The following ASB4 variants were observed in gnomAD, a reference collection of about 807,000 sequenced individuals.
The protein encoded by ASB4 is ankyrin repeat and SOCS box containing 4.
ASB4 carries 35 observed loss-of-function variants against 38.6 expected under a neutral mutation model. That is an observed-to-expected ratio of 0.91 (90% confidence interval 0.69 to 1.20). The LOEUF is 1.20. ASB4 is among the 50% of genes most tolerant of loss of function. The pLI is 0.00. For missense variants in ASB4, 557 were observed against 527.2 expected, an observed-to-expected ratio of 1.06 and a Z score of -0.55; for synonymous variants, 195 against 201.3, an observed-to-expected ratio of 0.97 and a Z score of 0.26.
rs760833458 is a variant in ASB4 at position 95,539,150 on chromosome 7, A to C, written c.*1391A>C. On this transcript the variant is annotated 3_prime_UTR_variant, in exon 5 of 5. Coordinates refer to ENST00000325885, the MANE Select transcript of ASB4 (RefSeq NM_016116.3). ...TTTTTTAGAGGTTAAAGCAGAAGTAAATTGCAAACAAATCTGTCAGTTGTG... is the reference window on the plus strand; with the variant it reads ...TTTTTTAGAGGTTAAAGCAGAAGTACATTGCAAACAAATCTGTCAGTTGTG... 1 of 152,144 alleles carries C rather than the reference A, an allele frequency of 6.6e-6. No homozygotes were observed. Among genetic ancestry groups the C allele is most frequent in the Non-Finnish European group, 1.5e-5 (1 of 68,032 alleles). 9.4% of individuals were successfully genotyped at this position (152,144 alleles called of 1,614,324 possible). A position where few individuals can be genotyped will look rare whatever the true frequency, so the allele number is the denominator to read the frequency against.
At chr7:95,515,011 T>C (rs1009203944) in intron 2 of ASB4, among the ~76,000 whole-genome samples, 2 of 152,234 alleles carry the variant, frequency 1.3e-5, no homozygotes, top group Non-Finnish European at 2.9e-5. Context: ...ACGTAGACAG[T>C]ATGACACCTA....
Position 95,537,869 on chromosome 7 carries a change from T to A in ASB4, c.*110T>A. 3 of 815,624 alleles carry A rather than the reference T, an allele frequency of 3.7e-6. No homozygotes were observed. Among genetic ancestry groups the A allele is most frequent in the Non-Finnish European group, 5.8e-6 (3 of 518,090 alleles). 50.5% of individuals were successfully genotyped at this position (815,624 alleles called of 1,614,324 possible). A position where few individuals can be genotyped will look rare whatever the true frequency, so the allele number is the denominator to read the frequency against. ...GGGTTGATTATAACACTTCAGGGAT[T>A]TCAAAACACTTTACAAACACTGCCA... On this transcript the variant is annotated 3_prime_UTR_variant, in exon 5 of 5. Coordinates refer to ENST00000325885, the MANE Select transcript of ASB4 (RefSeq NM_016116.3).
chr7:95,518,316 T>G (rs1351151304), intron 2 of ASB4, among the ~76,000 whole-genome samples: 2 of 152,182 alleles, frequency 1.3e-5, no homozygotes, highest in Non-Finnish European at 2.9e-5. Flanking sequence ...GAAAAGTCCA[T>G]GAGGAATTTT....
chr7:95,546,965 C>T, the ASB4 span, among the ~76,000 whole-genome samples: 9 of 152,122 alleles, frequency 5.9e-5, no homozygotes, highest in African/African-American at 2.2e-4. Flanking sequence ...ACCTGGGGTG[C>T]TTTCAAAAAT....
chr7:95,529,386 T>A (rs1048417170), intron 3 of ASB4, among the ~76,000 whole-genome samples: 1 of 152,248 alleles, frequency 6.6e-6, no homozygotes, highest in African/African-American at 2.4e-5. Context: ...TTTTTCTGAA[T>A]TCACAGCTTA....
rs1554349231 is a variant in ASB4 at position 95,515,219 on chromosome 7, T to TTCTTTCTTTCTTTCTTTCTTTCTTTC, written c.488-12581_488-12580insCTTTCTTTCTTTCTCTTTCTTTCTTT. Among the ~76,000 whole-genome samples, 17 of 130,948 alleles carry TTCTTTCTTTCTTTCTTTCTTTCTTTC rather than the reference T, an allele frequency of 1.3e-4. 1 individual carries two copies. Among genetic ancestry groups the TTCTTTCTTTCTTTCTTTCTTTCTTTC allele is most frequent in the African/African-American group, 5.5e-4 (17 of 30,996 alleles). 85.9% of individuals were successfully genotyped at this position (130,948 alleles called of 152,430 possible). A position where few individuals can be genotyped will look rare whatever the true frequency, so the allele number is the denominator to read the frequency against. On this transcript the variant is annotated intron_variant, in intron 2 of 4. Transcript: ENST00000325885. Reference sequence around the variant, plus strand: ...TTTCTTTCTTTCTTTCTTTCTTTCTTTCTTTCTTTCTTTTTCTTTCTTTCT... The same window carrying TTCTTTCTTTCTTTCTTTCTTTCTTTC: ...TTTCTTTCTTTCTTTCTTTCTTTCTTTCTTTCTTTCTTTCTTTCTTTCTTTCTCTTTCTTTCTTTTTCTTTCTTTCT...
upstream of ASB4, chr7:95,485,936 A>G (rs1244134349): frequency 6.2e-7 from 1 of 1,600,632 alleles, no homozygotes; most frequent in Non-Finnish European, 8.5e-7. Flanking sequence ...TGTTCTCTCG[A>G]TAAATCACAA....
intron 1 of ASB4, among the ~76,000 whole-genome samples, chr7:95,493,725 C>T (rs1790207082): frequency 6.6e-6 from 1 of 152,044 alleles, no homozygotes. Flanking sequence ...ACCACTATAA[C>T]CAGTTTCGTG....
At chr7:95,487,520 T>G (rs116749558) in intron 1 of ASB4, among the ~76,000 whole-genome samples, 1,559 of 152,306 alleles carry the variant, frequency 0.01, 18 homozygotes, top group African/African-American at 0.035. Flanking sequence ...TCTTCTCTCA[T>G]CTGAGCAGGC....
chr7:95,531,319 C>A (rs1421869730), intron 3 of ASB4, among the ~76,000 whole-genome samples: 1 of 152,142 alleles, frequency 6.6e-6, no homozygotes, highest in Non-Finnish European at 1.5e-5. Flanking sequence ...CTCTAGAAGA[C>A]AAAAACATCT....
chr7:95,550,285 A>G, the ASB4 span, among the ~76,000 whole-genome samples: 85 of 152,248 alleles, frequency 5.6e-4, 1 homozygote, highest in African/African-American at 2.0e-3. Context: ...CAGAGAGACT[A>G]AGCCAGGCCC....
At chr7:95,492,018 C>T (rs770395195) in intron 1 of ASB4, among the ~76,000 whole-genome samples, 3 of 152,180 alleles carry the variant, frequency 2.0e-5, no homozygotes, top group Non-Finnish European at 4.4e-5. Flanking sequence ...TGCAAACTGT[C>T]CTCTTGCCAT....
intron 3 of ASB4, among the ~76,000 whole-genome samples, chr7:95,531,603 A>T (rs1790820602): frequency 1.3e-5 from 2 of 152,202 alleles, no homozygotes; most frequent in East Asian, 1.9e-4. Context: ...ATTCTTAAAC[A>T]TGTGTTGAGC....
intron 2 of ASB4, among the ~76,000 whole-genome samples, chr7:95,512,075 G>A (rs1790490253): frequency 6.6e-6 from 1 of 152,156 alleles, no homozygotes; most frequent in African/African-American, 2.4e-5. Context: ...CCTGATGAAG[G>A]GGAAGCACAG....
chr7:95,493,064 C>G (rs1790195446), intron 1 of ASB4, among the ~76,000 whole-genome samples: 1 of 152,194 alleles, frequency 6.6e-6, no homozygotes, highest in Admixed American at 6.5e-5. Flanking sequence ...CCCAGACTGT[C>G]TATGACACTA....
At chr7:95,509,417 C>T (rs561239741) in intron 2 of ASB4, among the ~76,000 whole-genome samples, 17 of 152,258 alleles carry the variant, frequency 1.1e-4, no homozygotes, top group South Asian at 4.2e-4. Flanking sequence ...TGACCAACGC[C>T]ATGTCTCCGG....
chr7:95,475,535 C>A (rs149025895), upstream of ASB4, among the ~76,000 whole-genome samples: 8,576 of 152,064 alleles, frequency 0.056, 787 homozygotes, highest in African/African-American at 0.2. Context: ...AGGTGCGTGC[C>A]ACCACACCTG....
chr7:95,545,219 C>T (rs1791017414), downstream of ASB4, among the ~76,000 whole-genome samples: 1 of 152,164 alleles, frequency 6.6e-6, no homozygotes, highest in South Asian at 2.1e-4. Flanking sequence ...TATGGAATTA[C>T]ACACAGCTTT....
At chr7:95,547,303 C>CCTAT in the ASB4 span, among the ~76,000 whole-genome samples, 1 of 152,158 alleles carries the variant, frequency 6.6e-6, no homozygotes, top group East Asian at 1.9e-4. Context: ...CTAGTAAATT[C>CCTAT]CTATCTCCCA....
Sources: allele counts gnomAD v4.1 joint callset (sites outside exome capture counted in the v4.1 genomes callset), GRCh38; gene constraint gnomAD v4.1.1; transcripts MANE v1.5; gene names NCBI Gene and HGNC (gene_info 2026-07-23, HGNC 2026-07-21).